DTNB: variants seen among roughly 807,000 people sequenced by gnomAD.
DTNB encodes the protein dystrobrevin beta, also known as DTN-B.
In DTNB, 63 loss-of-function variants were observed where a neutral mutation model predicts 90.7. The ratio of observed to expected loss-of-function variants is 0.69; its 90% CI spans 0.57 to 0.86. The LOEUF (loss-of-function observed/expected upper bound fraction) is 0.86, where lower values mean the gene tolerates loss of function less well. DTNB is among the 40% of genes least tolerant of loss of function. The pLI is 0.00. For synonymous variants in DTNB, 277 were observed against 286.7 expected, an observed-to-expected ratio of 0.97 and a Z score of 0.34; for missense variants, 744 against 807.1, an observed-to-expected ratio of 0.92 and a Z score of 0.95.
chr2:25,670,456 A>G (rs901445645), intron 1 of DTNB, among the ~76,000 whole-genome samples: 2 of 152,174 alleles, frequency 1.3e-5, no homozygotes, highest in African/African-American at 4.8e-5. Context: ...ACAAAAACTG[A>G]TAACTTGTTT....
At chr2:25,591,662 ATACTC>A (rs778189536) in intron 6 of DTNB, among the ~76,000 whole-genome samples, 59 of 152,302 alleles carry the variant, frequency 3.9e-4, no homozygotes, top group South Asian at 8.3e-4. Context: ...TGCTATAACA[ATACTC>A]TACTATGTTC....
intron 10 of DTNB, among the ~76,000 whole-genome samples, chr2:25,462,819 T>TC (rs1665661182): frequency 6.6e-6 from 1 of 152,062 alleles, no homozygotes; most frequent in Non-Finnish European, 1.5e-5. Context: ...TTCTCCTGCC[T>TC]CAGCCTCCCA....
At chr2:25,601,304 A>G (rs2065832460) in intron 5 of DTNB, among the ~76,000 whole-genome samples, 1 of 152,198 alleles carries the variant, frequency 6.6e-6, no homozygotes, top group African/African-American at 2.4e-5. Flanking sequence ...TAATTTCCCA[A>G]GTAATTCTCT....
intron 9 of DTNB, among the ~76,000 whole-genome samples, chr2:25,499,952 C>T (rs1171704997): frequency 6.6e-6 from 1 of 152,158 alleles, no homozygotes; most frequent in Non-Finnish European, 1.5e-5. Context: ...CTGGAGTACG[C>T]TGGCATGATT....
rs778014093 is a variant in DTNB, at chr2:25,387,153, T to C, written c.1825+136A>G. ...TGGGTGGAGACATCCAGTGTGTTCC[T>C]AGAAGGCAAAGTTAGGTGATGAAAT... On this transcript the variant is annotated intron_variant, in intron 18 of 20. Coordinates refer to ENST00000406818, the MANE Select transcript of DTNB (RefSeq NM_021907.5). This position sits in a 1 kb window ranked among gnomAD's most constrained non-coding sequence, Gnocchi z 4.5. 3 of 769,680 alleles carry C rather than the reference T, an allele frequency of 3.9e-6. No homozygotes were observed. The highest frequency in any genetic ancestry group is 3.5e-5 in the African/African-American group (2 of 57,846). 47.7% of individuals were successfully genotyped at this position (769,680 alleles called of 1,614,324 possible). A position where few individuals can be genotyped will look rare whatever the true frequency, so the allele number is the denominator to read the frequency against.
chr2:25,559,246 G>A (rs1256631307), intron 8 of DTNB, among the ~76,000 whole-genome samples: 3 of 152,014 alleles, frequency 2.0e-5, no homozygotes, highest in Non-Finnish European at 4.4e-5. Flanking sequence ...GTCCAGCATC[G>A]GCAAAATCCC....
chr2:25,457,062 T>G (rs1027804475), intron 10 of DTNB, among the ~76,000 whole-genome samples: 63 of 152,022 alleles, frequency 4.1e-4, no homozygotes, highest in African/African-American at 1.5e-3. Context: ...CAGGCTGGAG[T>G]GCAGTGGTGC....
At chr2:25,526,122 T>C (rs779233588) in intron 9 of DTNB, among the ~76,000 whole-genome samples, 29 of 152,056 alleles carry the variant, frequency 1.9e-4, no homozygotes, top group Admixed American at 5.9e-4. Flanking sequence ...TGAAATTCTA[T>C]GCTAAAACTA....
chr2:25,527,663 A>T (rs1318154132), intron 9 of DTNB, among the ~76,000 whole-genome samples: 1 of 152,222 alleles, frequency 6.6e-6, no homozygotes, highest in Non-Finnish European at 1.5e-5. Context: ...AGAGAAAATT[A>T]ATAAATTCCT....
chr2:25,533,557 T>C (rs551909604), intron 8 of DTNB, among the ~76,000 whole-genome samples: 1 of 152,324 alleles, frequency 6.6e-6, no homozygotes, highest in African/African-American at 2.4e-5. Flanking sequence ...AGGCTGATAG[T>C]CACTTACAGA....
In DTNB at chr2:25,564,969, T is replaced by C. The variant is rs559681136; in HGVS notation, c.876+11869A>G. 2.0e-5 allele frequency among the ~76,000 whole-genome samples: 3 copies of C among 152,344 alleles called. No individual in the cohort carries two copies. In the South Asian group the frequency reaches 6.2e-4, roughly 32 times the overall value. On this transcript the variant is annotated intron_variant, in intron 8 of 20. Transcript: ENST00000406818. Reference sequence around the variant, plus strand: ...ATATTTTTGTATTGATTTTGTATCTTATAAACTTGGTAAATTTATTATCTA... The same window carrying C: ...ATATTTTTGTATTGATTTTGTATCTCATAAACTTGGTAAATTTATTATCTA...
At chr2:25,407,465 C>T (rs1053972466) in intron 16 of DTNB, among the ~76,000 whole-genome samples, 9 of 152,140 alleles carry the variant, frequency 5.9e-5, no homozygotes, top group East Asian at 1.9e-4. Flanking sequence ...AAAAGACACA[C>T]GCACACATAT....
At chr2:25,479,074 C>T (rs561317079) in intron 10 of DTNB, among the ~76,000 whole-genome samples, 2 of 152,248 alleles carry the variant, frequency 1.3e-5, no homozygotes, top group South Asian at 4.1e-4. Flanking sequence ...GATTTTAATA[C>T]TTGGAACTAA....
At position 25,479,597 on chromosome 2, in the gene DTNB, G is replaced by A. The variant is rs145390016; in HGVS notation, c.1079+3199C>T. On this transcript the variant is annotated intron_variant, in intron 10 of 20. Coordinates refer to ENST00000406818, the MANE Select transcript of DTNB (RefSeq NM_021907.5). ...GCAAATCCCTACAGTAGAACCTCTC[G>A]GGAACATAATTTATGGTTATCTCAC... 1.4e-3 allele frequency among the ~76,000 whole-genome samples: 212 copies of A among 152,212 alleles called. 1 individual carries two copies. Among genetic ancestry groups the A allele is most frequent in the African/African-American group, 5.0e-3 (208 of 41,536 alleles).
At position 25,538,625 on chromosome 2, in the gene DTNB, T is replaced by C. The variant is rs372330711; in HGVS notation, c.877-7028A>G. On this transcript the variant is annotated intron_variant, in intron 8 of 20. Coordinates refer to ENST00000406818, the MANE Select transcript of DTNB (RefSeq NM_021907.5). ...TGCCACCACACCTGGCTAATTTTTG[T>C]ATTTTTAGTAGAGACGGGGTTTCAC... Among the ~76,000 whole-genome samples, 17 of 152,196 alleles carry C rather than the reference T, an allele frequency of 1.1e-4. No individual in the cohort carries two copies. The East Asian group carries it at 1.9e-3, about 17-fold the overall frequency.
intron 9 of DTNB, among the ~76,000 whole-genome samples, chr2:25,500,294 T>C (rs781630559): frequency 6.6e-6 from 1 of 152,110 alleles, no homozygotes. Flanking sequence ...GAATTTTAAA[T>C]GGAAAAGATA....
In DTNB at chr2:25,414,971, C is replaced by G. The variant is rs145693398; in HGVS notation, c.1575+4544G>C. On this transcript the variant is annotated intron_variant, in intron 16 of 20. Coordinates refer to ENST00000406818, the MANE Select transcript of DTNB (RefSeq NM_021907.5). ...TATCTGAAATAGCCAGGCAGTTTGC[C>G]CCTCCATTATAACCCTTAGATCTGA... Among the ~76,000 whole-genome samples the G allele has an allele frequency of 4.3e-3, 647 of 152,038 alleles. 5 individuals are homozygous for G. The highest frequency in any genetic ancestry group is 0.013 in the African/African-American group (553 of 41,446).
At chr2:25,441,403 C>T (rs1336593666) in intron 12 of DTNB, among the ~76,000 whole-genome samples, 1 of 152,180 alleles carries the variant, frequency 6.6e-6, no homozygotes, top group Non-Finnish European at 1.5e-5. Context: ...ATATATTCTA[C>T]TTATTGCAAT....
At chr2:25,583,999 T>C (rs1465760559) in intron 6 of DTNB, among the ~76,000 whole-genome samples, 4 of 152,208 alleles carry the variant, frequency 2.6e-5, no homozygotes, top group African/African-American at 9.6e-5. Context: ...AAGCACTCTG[T>C]CTTCCACCAA....
Sources: gnomAD v4.1 joint callset for allele counts (sites outside exome capture counted in the v4.1 genomes callset) on GRCh38, gnomAD v4.1.1 for gene constraint, Gnocchi (gnomAD v3.1) non-coding constraint, MANE v1.5 for transcripts, NCBI Gene and HGNC (gene_info 2026-07-23, HGNC 2026-07-21) for gene names.